Variants in MAST4 observed in about 807,000 individuals in gnomAD.
The protein encoded by MAST4 is microtubule-associated serine/threonine-protein kinase 4.
Under a neutral mutation model 162.7 loss-of-function variants are expected in MAST4, and 89 were observed. The ratio of observed to expected loss-of-function variants is 0.55; its 90% CI spans 0.46 to 0.65. The LOEUF is 0.65. Among genes scored for constraint, MAST4 ranks in the 30% least tolerant of loss-of-function variants. The pLI, the probability that MAST4 is intolerant of heterozygous loss-of-function variation, is 0.00. For synonymous variants in MAST4, 1,479 were observed against 1,361.1 expected, an observed-to-expected ratio of 1.09 and a Z score of -1.91; for missense variants, 3,153 against 3,374.0, an observed-to-expected ratio of 0.93 and a Z score of 1.62.
At chr5:66,652,994 G>T (rs919009121) in intron 1 of MAST4, among the ~76,000 whole-genome samples, 54 of 152,186 alleles carry the variant, frequency 3.5e-4, no homozygotes, top group African/African-American at 1.3e-3. Flanking sequence ...TCTGTAGGGA[G>T]TAGGTCATAT....
intron 4 of MAST4, among the ~76,000 whole-genome samples, chr5:66,918,069 G>C (rs1240990587): frequency 6.6e-6 from 1 of 152,042 alleles, no homozygotes; most frequent in African/African-American, 2.4e-5. Context: ...TACTACTTCT[G>C]TCAGTTTTAA....
At chr5:66,807,690 T>C (rs1056398479) in intron 3 of MAST4, among the ~76,000 whole-genome samples, 2 of 151,904 alleles carry the variant, frequency 1.3e-5, no homozygotes, top group Non-Finnish European at 2.9e-5. Context: ...GGAATTTGCA[T>C]TCTCATACTC....
intron 1 of MAST4, among the ~76,000 whole-genome samples, chr5:66,745,230 T>A (rs1190904308): frequency 6.6e-6 from 1 of 152,232 alleles, no homozygotes; most frequent in Non-Finnish European, 1.5e-5. Flanking sequence ...ACCACTGTTT[T>A]CTGATCCTTT....
intron 3 of MAST4, among the ~76,000 whole-genome samples, chr5:66,853,247 G>A (rs538994132): frequency 1.3e-5 from 2 of 152,308 alleles, no homozygotes; most frequent in African/African-American, 4.8e-5. Context: ...TCTACCCGGA[G>A]TAAGTGTAAC....
chr5:66,607,461 G>A (rs1742966939), intron 1 of MAST4, among the ~76,000 whole-genome samples: 1 of 152,070 alleles, frequency 6.6e-6, no homozygotes, highest in Non-Finnish European at 1.5e-5. Context: ...ATAATTCTTG[G>A]TTATTCATTA....
intron 12 of MAST4, among the ~76,000 whole-genome samples, chr5:67,115,688 T>C (rs1401182444): frequency 2.0e-5 from 3 of 152,218 alleles, no homozygotes; most frequent in African/African-American, 4.8e-5. Flanking sequence ...AAAGGGCAGA[T>C]GTTTAATGGT....
At chr5:66,717,536 C>T (rs1750920188) in intron 1 of MAST4, among the ~76,000 whole-genome samples, 1 of 152,166 alleles carries the variant, frequency 6.6e-6, no homozygotes, top group South Asian at 2.1e-4. Flanking sequence ...CAGTCTCAGC[C>T]AGGCAGTCCC....
At chr5:66,622,564 A>G (rs1744146836) in intron 1 of MAST4, among the ~76,000 whole-genome samples, 1 of 151,978 alleles carries the variant, frequency 6.6e-6, no homozygotes, top group Non-Finnish European at 1.5e-5. Flanking sequence ...GAAAACAGAG[A>G]ATCAGTTAAG....
chr5:66,751,939 G>A (rs562899581), intron 1 of MAST4, among the ~76,000 whole-genome samples: 30 of 151,142 alleles, frequency 2.0e-4, no homozygotes, highest in African/African-American at 6.6e-4. Context: ...GACTAACAGC[G>A]GATCTCTGGG....
intron 4 of MAST4, among the ~76,000 whole-genome samples, chr5:66,921,112 A>C (rs1764502613): frequency 1.3e-5 from 2 of 152,180 alleles, no homozygotes; most frequent in African/African-American, 2.4e-5. Context: ...CTTAAAGAAT[A>C]AGGTCAGGTG....
At chr5:67,059,785 C>A (rs554417899) in intron 5 of MAST4, among the ~76,000 whole-genome samples, 15 of 150,498 alleles carry the variant, frequency 1.0e-4, no homozygotes, top group Non-Finnish European at 1.8e-4. Context: ...GGAAATATCC[C>A]TAAATCTCTG....
At chr5:66,702,029 C>G (rs1392923925) in intron 1 of MAST4, among the ~76,000 whole-genome samples, 1 of 152,150 alleles carries the variant, frequency 6.6e-6, no homozygotes, top group Non-Finnish European at 1.5e-5. Flanking sequence ...GATATGATCA[C>G]TTTTGCTCAG....
intron 4 of MAST4, among the ~76,000 whole-genome samples, chr5:66,970,660 G>A (rs1312378614): frequency 6.6e-6 from 1 of 152,170 alleles, no homozygotes; most frequent in Non-Finnish European, 1.5e-5. Flanking sequence ...CTACTGACTT[G>A]AGTTAAAGGC....
intron 4 of MAST4, among the ~76,000 whole-genome samples, chr5:67,047,317 A>ATGGC (rs1757499004): frequency 6.6e-6 from 1 of 152,166 alleles, no homozygotes; most frequent in South Asian, 2.1e-4. Flanking sequence ...GCCTCCTGCC[A>ATGGC]TGGCTCTACC....
intron 5 of MAST4, among the ~76,000 whole-genome samples, chr5:67,089,395 G>C (rs969867546): frequency 1.3e-5 from 2 of 152,170 alleles, no homozygotes; most frequent in Non-Finnish European, 2.9e-5. Context: ...TCCTTCCAAC[G>C]AGCAATCACT....
intron 3 of MAST4, among the ~76,000 whole-genome samples, chr5:66,850,531 A>T (rs1759228435): frequency 6.6e-6 from 1 of 152,196 alleles, no homozygotes; most frequent in Admixed American, 6.6e-5. Context: ...ATGATGCTAC[A>T]AGTGGAAAAT....
At chr5:66,847,833 AAAAAAAAAAAG>A (rs1758982677) in intron 3 of MAST4, among the ~76,000 whole-genome samples, 2 of 151,078 alleles carry the variant, frequency 1.3e-5, no homozygotes, top group South Asian at 4.2e-4. Flanking sequence ...AAAAAAAAAA[AAAAAAAAAAAG>A]AAAAACCTTA....
chr5:66,696,816 T>C (rs1484205802), intron 1 of MAST4, among the ~76,000 whole-genome samples: 1 of 152,202 alleles, frequency 6.6e-6, no homozygotes, highest in Non-Finnish European at 1.5e-5. Context: ...TTGCTAGCAC[T>C]CTAGTGTCCA....
Position 66,765,556 on chromosome 5 carries a change from CTG to C in MAST4, c.517+5696_517+5697del, listed in dbSNP as rs1488066024. 4.6e-5 allele frequency among the ~76,000 whole-genome samples: 7 copies of C among 152,198 alleles called. No individual in the cohort carries two copies. The South Asian group carries it at 1.5e-3, about 32-fold the overall frequency. On this transcript the variant is annotated intron_variant, in intron 2 of 28. Coordinates refer to ENST00000403625, the MANE Select transcript of MAST4 (RefSeq NM_001164664.2). ...CGTTGAATCTGGATGTGACAGCTGACTGTAATGTTACTTCAGGGGAGTAAAGA... is the reference window on the plus strand; with the variant it reads ...CGTTGAATCTGGATGTGACAGCTGACTAATGTTACTTCAGGGGAGTAAAGA...
Sources: gnomAD v4.1 joint callset for allele counts (sites outside exome capture counted in the v4.1 genomes callset) on GRCh38, gnomAD v4.1.1 for gene constraint, MANE v1.5 for transcripts, NCBI Gene and HGNC (gene_info 2026-07-23, HGNC 2026-07-21) for gene names.